Variants in SHISA9 observed in about 807,000 individuals in gnomAD.
SHISA9 encodes the protein shisa family member 9.
A neutral mutation model predicts 38.0 loss-of-function variants in SHISA9; 13 were observed. That is an observed-to-expected ratio of 0.34 (90% CI 0.22 to 0.54). The LOEUF is 0.54. Ranked by LOEUF, SHISA9 falls within the 20% of genes least tolerant of loss-of-function variation. The pLI is 0.91. For missense variants in SHISA9, 538 were observed against 575.8 expected, an observed-to-expected ratio of 0.93 and a Z score of 0.67; for synonymous variants, 275 against 242.0, an observed-to-expected ratio of 1.14 and a Z score of -1.27.
rs569258709 is a variant in SHISA9, at chr16:13,018,710, C to T, written c.691+101895C>T. ...TCAAAATCCTTTATTGATTCCTAGTCGCCTGTCAACTTTGGCGACACAAAT... is the reference window on the plus strand; with the variant it reads ...TCAAAATCCTTTATTGATTCCTAGTTGCCTGTCAACTTTGGCGACACAAAT... On this transcript the variant is annotated intron_variant, in intron 2 of 4. Coordinates refer to ENST00000558583, the MANE Select transcript of SHISA9 (RefSeq NM_001145204.3). Among the ~76,000 whole-genome samples the T allele has an allele frequency of 4.1e-4, 62 of 152,278 alleles. 1 individual carries two copies. In the South Asian group the frequency reaches 0.01, roughly 25 times the overall value.
intron 2 of SHISA9, among the ~76,000 whole-genome samples, chr16:13,103,104 T>A (rs1342031859): frequency 6.6e-6 from 1 of 152,236 alleles, no homozygotes; most frequent in Non-Finnish European, 1.5e-5. Context: ...TTGAGGAAAC[T>A]GAGGCAAAGA....
intron 2 of SHISA9, among the ~76,000 whole-genome samples, chr16:13,029,610 C>T (rs909626688): frequency 9.2e-5 from 14 of 152,244 alleles, no homozygotes; most frequent in Non-Finnish European, 1.8e-4. Context: ...CCTGTCTAAA[C>T]AAACAAACAA....
the SHISA9 span, among the ~76,000 whole-genome samples, chr16:13,562,105 A>G: frequency 9.4e-4 from 143 of 152,324 alleles, no homozygotes; most frequent in African/African-American, 3.4e-3. Context: ...ACAGTCTTGC[A>G]TCTTTCTGAC....
intron 2 of SHISA9, among the ~76,000 whole-genome samples, chr16:13,039,914 C>G (rs2073115128): frequency 6.6e-6 from 1 of 152,186 alleles, no homozygotes; most frequent in Non-Finnish European, 1.5e-5. Context: ...AGCCATTCTT[C>G]ATCACCACAG....
chr16:13,026,099 C>T (rs534970118), intron 2 of SHISA9, among the ~76,000 whole-genome samples: 3 of 152,316 alleles, frequency 2.0e-5, no homozygotes, highest in Non-Finnish European at 4.4e-5. Context: ...GCCACCGCGC[C>T]CACCTTAACA....
chr16:12,968,962 C>G (rs2072017611), intron 2 of SHISA9, among the ~76,000 whole-genome samples: 4 of 151,990 alleles, frequency 2.6e-5, no homozygotes, highest in Non-Finnish European at 5.9e-5. Context: ...CGAGACCAGC[C>G]TGGCCAACAT....
the SHISA9 span, among the ~76,000 whole-genome samples, chr16:13,286,192 G>A: frequency 3.3e-5 from 5 of 152,100 alleles, no homozygotes; most frequent in African/African-American, 1.2e-4. Flanking sequence ...TGATTGATGT[G>A]TCATATCTCC....
the SHISA9 span, among the ~76,000 whole-genome samples, chr16:13,376,213 G>T: frequency 6.6e-6 from 1 of 152,180 alleles, no homozygotes; most frequent in Admixed American, 6.5e-5. Flanking sequence ...CTAAAACATG[G>T]TTTCAATGAA....
the SHISA9 span, among the ~76,000 whole-genome samples, chr16:13,365,470 T>TC: frequency 6.7e-6 from 1 of 150,156 alleles, no homozygotes; most frequent in Middle Eastern, 3.2e-3. Context: ...TTTTTTTTTT[T>TC]TTTTGAGACA....
intron 2 of SHISA9, among the ~76,000 whole-genome samples, chr16:12,985,655 C>G (rs1331998004): frequency 2.0e-5 from 3 of 152,178 alleles, no homozygotes; most frequent in Non-Finnish European, 4.4e-5. Flanking sequence ...TCTGCCATTT[C>G]TTCCCTAAGG....
chr16:13,408,369 A>G, the SHISA9 span, among the ~76,000 whole-genome samples: 1 of 152,328 alleles, frequency 6.6e-6, no homozygotes, highest in East Asian at 1.9e-4. Flanking sequence ...AAACATCATA[A>G]AGCATTTTTA....
Position 12,903,611 on chromosome 16 carries a change from G to A in SHISA9, c.563+984G>A, listed in dbSNP as rs563653703. ...CACTAGGAGCACTAAGCCCCCGGCC[G>A]CGGGAGAGGCTGGGGGTTGGCGTGA... On this transcript the variant is annotated intron_variant, in intron 1 of 4. Coordinates refer to ENST00000558583, the MANE Select transcript of SHISA9 (RefSeq NM_001145204.3). Among the ~76,000 whole-genome samples, 13 of 152,320 alleles carry A rather than the reference G, an allele frequency of 8.5e-5. No homozygotes were observed. In the South Asian group the frequency reaches 2.3e-3, roughly 27 times the overall value.
intron 2 of SHISA9, among the ~76,000 whole-genome samples, chr16:13,153,934 G>A (rs184995129): frequency 4.1e-4 from 57 of 138,600 alleles, no homozygotes; most frequent in Admixed American, 1.2e-3. Context: ...GCAAATAGAG[G>A]CAACAGATCT....
chr16:13,062,161 A>G (rs1179286919), intron 2 of SHISA9, among the ~76,000 whole-genome samples: 2 of 151,752 alleles, frequency 1.3e-5, no homozygotes, highest in Admixed American at 1.3e-4. Flanking sequence ...GTGGAAGTAT[A>G]CCTCAAGTAT....
the SHISA9 span, among the ~76,000 whole-genome samples, chr16:13,336,608 G>T: frequency 6.6e-6 from 1 of 152,146 alleles, no homozygotes; most frequent in Non-Finnish European, 1.5e-5. Flanking sequence ...TTTGAAAGAT[G>T]AGAAATGTGT....
chr16:13,137,080 A>C (rs2050356225), intron 2 of SHISA9, among the ~76,000 whole-genome samples: 1 of 152,228 alleles, frequency 6.6e-6, no homozygotes, highest in African/African-American at 2.4e-5. Context: ...AACAGAATGT[A>C]TCCTTTCCCT....
the SHISA9 span, among the ~76,000 whole-genome samples, chr16:13,419,928 T>C: frequency 6.6e-6 from 1 of 152,068 alleles, no homozygotes; most frequent in South Asian, 2.1e-4. Context: ...CGTTAATCAC[T>C]GTGAATAAGA....
the SHISA9 span, among the ~76,000 whole-genome samples, chr16:13,296,923 A>G: frequency 8.0e-6 from 1 of 125,770 alleles, no homozygotes; most frequent in African/African-American, 3.1e-5. Flanking sequence ...AAAAAAAAAG[A>G]GAATGCTTTC....
intron 1 of SHISA9, chr16:12,911,421 A>G (rs1247483462): frequency 3.1e-6 from 3 of 976,374 alleles, no homozygotes; most frequent in East Asian, 1.1e-4. Flanking sequence ...ACCCCAATAT[A>G]TGCACATTTA....
Sources: allele counts gnomAD v4.1 joint callset (sites outside exome capture counted in the v4.1 genomes callset), GRCh38; gene constraint gnomAD v4.1.1; transcripts MANE v1.5; gene names NCBI Gene and HGNC (gene_info 2026-07-23, HGNC 2026-07-21).